ABCA12: variants seen among roughly 807,000 people sequenced by gnomAD.
ABCA12 encodes the protein ATP binding cassette subfamily A member 12.
Under a neutral mutation model 293.5 loss-of-function variants are expected in ABCA12, and 156 were observed. The ratio of observed to expected loss-of-function variants is 0.53; its 90% CI spans 0.47 to 0.61. The LOEUF is 0.61. ABCA12 is among the 20% of genes least tolerant of loss of function. The pLI, the probability that ABCA12 is intolerant of heterozygous loss-of-function variation, is 0.00. For missense variants in ABCA12, 2,797 were observed against 3,090.2 expected (o/e 0.91, Z 2.25); for synonymous variants, 1,063 against 1,108.0 (o/e 0.96, Z 0.81).
chr2:214,971,327 A>G (rs1699380519), intron 36 of ABCA12, among the ~76,000 whole-genome samples: 1 of 152,224 alleles, frequency 6.6e-6, no homozygotes, highest in Non-Finnish European at 1.5e-5. Flanking sequence ...TAATTAAAAG[A>G]GAATACTCTT....
chr2:215,045,963 A>G lies in ABCA12; in HGVS notation c.746T>C (p.Met249Thr), dbSNP rs367861522. ...TTGCACTTGTGAGAAGAAAGACAGCATTCTGACTATTTCCTGAAACACTAT... is the reference window on the plus strand; with the variant it reads ...TTGCACTTGTGAGAAGAAAGACAGCGTTCTGACTATTTCCTGAAACACTAT... The part of the protein sequence containing the change: ...QKIVFQEIVR[M>T]LSFFSQVQEQ... Residue 249 changes from methionine to threonine, a missense_variant, in exon 7 of 53, where the codon ATG (methionine) becomes ACG (threonine). Physicochemically the swap from Met to Thr is moderately conservative, Grantham distance 81 (BLOSUM62 -1). Coordinates refer to ENST00000272895, the MANE Select transcript of ABCA12 (RefSeq NM_173076.3). 14 of 1,613,640 alleles carry G rather than the reference A, an allele frequency of 8.7e-6. No homozygotes were observed. Among genetic ancestry groups the G allele is most frequent in the African/African-American group, 1.3e-5 (1 of 74,926 alleles).
chr2:214,999,499 GA>G (rs1471824739), intron 22 of ABCA12, among the ~76,000 whole-genome samples: 1 of 152,122 alleles, frequency 6.6e-6, no homozygotes, highest in African/African-American at 2.4e-5. Flanking sequence ...TAATTAATGG[GA>G]AATCACTTTA....
At chr2:215,046,861 G>A (rs1289877585) in intron 6 of ABCA12, among the ~76,000 whole-genome samples, 2 of 149,530 alleles carry the variant, frequency 1.3e-5, no homozygotes, top group African/African-American at 2.4e-5. Context: ...AAGAAAATAT[G>A]ACACTATACA....
At chr2:215,012,749 C>A (rs1406887983) in intron 15 of ABCA12, among the ~76,000 whole-genome samples, 2 of 151,984 alleles carry the variant, frequency 1.3e-5, no homozygotes, top group Admixed American at 6.6e-5. Flanking sequence ...CTAAAAAAAT[C>A]ATTGAGTTAA....
intron 2 of ABCA12, among the ~76,000 whole-genome samples, chr2:215,094,922 T>C (rs574068269): frequency 6.6e-6 from 1 of 151,944 alleles, no homozygotes; most frequent in Admixed American, 6.5e-5. Context: ...TTGCCTTACA[T>C]AGTTCTCTTC....
chr2:215,104,039 CGGAT>C (rs1702412937), intron 2 of ABCA12, among the ~76,000 whole-genome samples: 1 of 152,084 alleles, frequency 6.6e-6, no homozygotes, highest in African/African-American at 2.4e-5. Context: ...CTTTACTTAT[CGGAT>C]AGACTTGGAC....
chr2:214,983,802 G>A lies in ABCA12; in HGVS notation c.4227C>T (p.Ile1409=). The A allele has an allele frequency of 3.1e-6, 5 of 1,614,034 alleles. No individual in the cohort carries two copies. The highest frequency in any genetic ancestry group is 3.4e-6 in the Non-Finnish European group (4 of 1,179,994). ...TCCGTACCGTGTGTAGGTCTGTTTTGATATCTTTTCCATATACAAAAATGG... is the reference window on the plus strand; with the variant it reads ...TCCGTACCGTGTGTAGGTCTGTTTTAATATCTTTTCCATATACAAAAATGG... The part of the protein sequence containing the change: ...AGTIFVYGKD[I]KTDLHTVRKN... Residue 1409 remains isoleucine, a synonymous_variant, in exon 29 of 53, where the codon ATC becomes ATT. Transcript: ENST00000272895.
chr2:215,099,937 T>C, intron 2 of ABCA12, among the ~76,000 whole-genome samples: 1 of 151,956 alleles, frequency 6.6e-6, no homozygotes, highest in Admixed American at 6.6e-5. Flanking sequence ...AATGTTTCCA[T>C]TACTACAGGA....
intron 1 of ABCA12, among the ~76,000 whole-genome samples, chr2:215,122,389 A>G (rs929257693): frequency 1.3e-5 from 2 of 152,232 alleles, no homozygotes; most frequent in Non-Finnish European, 2.9e-5. Context: ...AGTTTATTTC[A>G]ATCTGATTTA....
In ABCA12 at chr2:214,982,367, C is replaced by T. The variant is rs868304691; in HGVS notation, c.4399G>A (p.Gly1467Arg). 6.2e-7 allele frequency: 1 copy of T among 1,613,722 alleles called. No homozygotes were observed. Among genetic ancestry groups the T allele is most frequent in the Non-Finnish European group, 8.5e-7 (1 of 1,179,788 alleles). ...CTCTTATGACGATGGCTATATAGTC[C>T]AGTATCTTTTAAAGTCCTTCAAAAA... is the stretch of plus-strand genomic sequence containing the variant. ...EEVKRTLKDT[G>R]LYSHRHKRVG... is the part of the protein sequence containing the mutation. Residue 1467 changes from glycine to arginine, a missense_variant, in exon 30 of 53, where the codon GGA (glycine) becomes AGA (arginine). Physicochemically the swap from Gly to Arg is moderately radical, Grantham distance 125. Coordinates refer to ENST00000272895, the MANE Select transcript of ABCA12 (RefSeq NM_173076.3).
intron 2 of ABCA12, among the ~76,000 whole-genome samples, chr2:215,071,136 G>A (rs988300329): frequency 6.6e-6 from 1 of 151,374 alleles, no homozygotes; most frequent in South Asian, 2.1e-4. Context: ...GTTCAAGGCT[G>A]CAGTGAGCCA....
At chr2:215,025,320 C>T in intron 11 of ABCA12, 1 of 200,358 alleles carries the variant, frequency 5.0e-6, no homozygotes, top group Non-Finnish European at 1.0e-5. Context: ...TTTTTAAAGA[C>T]AGGGTCTCAC....
At chr2:214,964,643 A>G (rs1424731789) in intron 39 of ABCA12, among the ~76,000 whole-genome samples, 2 of 152,198 alleles carry the variant, frequency 1.3e-5, no homozygotes, top group Non-Finnish European at 2.9e-5. Flanking sequence ...TACAAAAAGA[A>G]TAAAATACCC....
chr2:215,015,614 GTGGTGA>G lies in ABCA12; in HGVS notation c.1826_1831del (p.Ile609_Thr610del). 6.2e-7 allele frequency: 1 copy of G among 1,614,044 alleles called. No individual in the cohort carries two copies. Among genetic ancestry groups the G allele is most frequent in the Non-Finnish European group, 8.5e-7 (1 of 1,179,934 alleles). On this transcript the variant is annotated inframe_deletion, in exon 15 of 53. Coordinates refer to ENST00000272895, the MANE Select transcript of ABCA12 (RefSeq NM_173076.3). ...TTTCATTGCATCTTCTAGTTTGGGAGTGGTGATATTAGTATCACAGGAATGCAGCCA... is the reference window on the plus strand; with the variant it reads ...TTTCATTGCATCTTCTAGTTTGGGAGTATTAGTATCACAGGAATGCAGCCA...
rs141723099 is a variant in ABCA12 at position 214,959,059 on chromosome 2, A to T, written c.5904T>A (p.His1968Gln). ...AARHGIIMYS[H>Q]PYPGVQDQEQ... Reference sequence around the variant, plus strand: ...CTTGGTCTTGCACTCCTGGATAAGGATGGCTATACATGATGATGCCTTAAA... The same window carrying T: ...CTTGGTCTTGCACTCCTGGATAAGGTTGGCTATACATGATGATGCCTTAAA... Residue 1968 changes from histidine (H) to glutamine (Q), a missense_variant, in exon 40 of 53, where the codon CAT becomes CAA. Coordinates refer to ENST00000272895, the MANE Select transcript of ABCA12 (RefSeq NM_173076.3). 3.2e-5 allele frequency: 52 copies of T among 1,613,770 alleles called. No homozygotes were observed. The highest frequency in any genetic ancestry group is 4.2e-5 in the Non-Finnish European group (49 of 1,179,790).
chr2:214,989,629 G>A lies in ABCA12; in HGVS notation c.3625-8C>T. On this transcript the variant is annotated splice_polypyrimidine_tract_variant and splice_region_variant and intron_variant, in intron 24 of 52. Transcript: ENST00000272895. The stretch of plus-strand genomic sequence containing the variant: ...TGTTGGGGACAGCAGGCTCTGTGAA[G>A]AAAGGAAACGGCAATGATAGTTCTT... 6.2e-7 allele frequency: 1 copy of A among 1,613,640 alleles called. No individual in the cohort carries two copies. Among genetic ancestry groups the A allele is most frequent in the Non-Finnish European group, 8.5e-7 (1 of 1,179,758 alleles).
chr2:215,000,752 T>G lies in ABCA12; in HGVS notation c.3132A>C (p.Ile1044=), dbSNP rs1180047377. 1 of 1,614,136 alleles carries G rather than the reference T, an allele frequency of 6.2e-7. No homozygotes were observed. Among genetic ancestry groups the G allele is most frequent in the Admixed American group, 1.7e-5 (1 of 60,022 alleles). The change falls in exon 22 of 53, where the codon ATA becomes ATC. Residue 1044 remains isoleucine, a synonymous_variant. Transcript: ENST00000272895. ...ELQTGRNSQE[I]AVQVQAIPYP... ...AAGGAATTGCTTGAACCTGGACTGCTATTTCCTGGGAGTTCCTTCCAGTTT... is the reference window on the plus strand; with the variant it reads ...AAGGAATTGCTTGAACCTGGACTGCGATTTCCTGGGAGTTCCTTCCAGTTT...
At chr2:215,027,843 C>G (rs1700783135) in intron 9 of ABCA12, among the ~76,000 whole-genome samples, 1 of 152,112 alleles carries the variant, frequency 6.6e-6, no homozygotes, top group Non-Finnish European at 1.5e-5. Context: ...AATATAAGTT[C>G]CTTTTTTCTC....
intron 33 of ABCA12, 82 bp from the exon 34 acceptor site, chr2:214,976,119 G>T: frequency 6.5e-7 from 1 of 1,539,794 alleles, no homozygotes. Context: ...TATATAAATG[G>T]TATAATACAC....
Sources: gnomAD v4.1 joint callset for allele counts (sites outside exome capture counted in the v4.1 genomes callset) on GRCh38, gnomAD v4.1.1 for gene constraint, MANE v1.5 for transcripts, NCBI Gene and HGNC (gene_info 2026-07-23, HGNC 2026-07-21) for gene names.